The following KLHL32 variants were observed in gnomAD, a reference collection of about 807,000 sequenced individuals.
KLHL32 encodes the protein kelch-like protein 32.
KLHL32 carries 35 observed loss-of-function variants against 64.8 expected under a neutral mutation model. The ratio of observed to expected loss-of-function variants is 0.54; its 90% CI spans 0.41 to 0.72. The LOEUF is 0.72. Among genes scored for constraint, KLHL32 ranks in the 30% least tolerant of loss-of-function variants. KLHL32 has a pLI of 0.00. For missense variants in KLHL32, 589 were observed against 768.5 expected, an observed-to-expected ratio of 0.77 and a Z score of 2.76; for synonymous variants, 259 against 281.0, an observed-to-expected ratio of 0.92 and a Z score of 0.78.
chr6:97,066,948 T>C (rs1789853716), intron 5 of KLHL32, among the ~76,000 whole-genome samples: 1 of 152,230 alleles, frequency 6.6e-6, no homozygotes, highest in African/African-American at 2.4e-5. Flanking sequence ...CTTCAATCAA[T>C]GCTGATATAT....
At chr6:97,136,500 G>C (rs1200651356) in intron 10 of KLHL32, among the ~76,000 whole-genome samples, 1 of 152,192 alleles carries the variant, frequency 6.6e-6, no homozygotes, top group Non-Finnish European at 1.5e-5. Context: ...GAAAGTGAAG[G>C]TGTTCTTGTT....
intron 1 of KLHL32, among the ~76,000 whole-genome samples, chr6:96,927,817 A>C (rs1175216805): frequency 2.0e-5 from 3 of 152,214 alleles, no homozygotes; most frequent in African/African-American, 7.2e-5. Flanking sequence ...GAGTGCATGG[A>C]GATACCGTCT....
chr6:96,921,724 G>T (rs945908655), upstream of KLHL32, among the ~76,000 whole-genome samples: 1 of 152,168 alleles, frequency 6.6e-6, no homozygotes, highest in African/African-American at 2.4e-5. Context: ...TCTCTTTCAT[G>T]ATGTAGTTTT....
At chr6:97,074,151 G>A (rs1396203228) in intron 5 of KLHL32, among the ~76,000 whole-genome samples, 1 of 152,216 alleles carries the variant, frequency 6.6e-6, no homozygotes, top group Non-Finnish European at 1.5e-5. Context: ...GCATACTCCA[G>A]AGTAATGATT....
chr6:96,965,114 G>T (rs1254393955), intron 1 of KLHL32, among the ~76,000 whole-genome samples: 1 of 152,146 alleles, frequency 6.6e-6, no homozygotes, highest in Non-Finnish European at 1.5e-5. Flanking sequence ...TTCTGTTCCT[G>T]CATTAATTCG....
intron 1 of KLHL32, among the ~76,000 whole-genome samples, chr6:96,959,077 G>A (rs1448284072): frequency 4.6e-5 from 7 of 152,180 alleles, no homozygotes; most frequent in Non-Finnish European, 7.3e-5. Flanking sequence ...TCCTCCAAGA[G>A]TGGTGGGGTT....
At chr6:97,126,697 C>T (rs1052243582) in intron 7 of KLHL32, among the ~76,000 whole-genome samples, 1 of 152,026 alleles carries the variant, frequency 6.6e-6, no homozygotes, top group Admixed American at 6.6e-5. Flanking sequence ...GTCAAATATA[C>T]ACTGGCTTTT....
chr6:96,935,786 A>G (rs1770522681), intron 1 of KLHL32, among the ~76,000 whole-genome samples: 1 of 152,238 alleles, frequency 6.6e-6, no homozygotes, highest in Non-Finnish European at 1.5e-5. Context: ...GAATTAAAAG[A>G]AAGGAAAATC....
At chr6:97,112,327 G>A (rs1026196284) in intron 6 of KLHL32, among the ~76,000 whole-genome samples, 1 of 152,192 alleles carries the variant, frequency 6.6e-6, no homozygotes, top group Non-Finnish European at 1.5e-5. Context: ...TATGTTGACT[G>A]AGATGTTAGA....
At chr6:97,132,616 G>T in intron 9 of KLHL32, 37 bp from the exon 10 acceptor site, 1 of 1,471,458 alleles carries the variant, frequency 6.8e-7, no homozygotes, top group East Asian at 2.3e-5. Flanking sequence ...GTAAGAAATG[G>T]ATTTTTTTTC....
chr6:96,946,160 TGA>T (rs1248593579), intron 1 of KLHL32, among the ~76,000 whole-genome samples: 1 of 150,950 alleles, frequency 6.6e-6, no homozygotes, highest in Admixed American at 6.6e-5. Flanking sequence ...ATTCAAAATA[TGA>T]GTTTATTTAG....
chr6:96,967,143 A>G, intron 2 of KLHL32, 60 bp downstream of exon 2: 1 of 1,478,816 alleles, frequency 6.8e-7, no homozygotes, highest in African/African-American at 1.4e-5. Context: ...AGTGCATTGC[A>G]CGTTCTAGGA....
chr6:96,970,044 A>G (rs900510993), intron 2 of KLHL32, among the ~76,000 whole-genome samples: 1 of 152,192 alleles, frequency 6.6e-6, no homozygotes, highest in African/African-American at 2.4e-5. Context: ...ACTCACCTCC[A>G]TATGTAATCT....
chr6:97,012,705 A>G (rs561687260), intron 3 of KLHL32, among the ~76,000 whole-genome samples: 2 of 152,336 alleles, frequency 1.3e-5, no homozygotes, highest in South Asian at 4.1e-4. Context: ...TCCTGGTCTC[A>G]TAGTGCCACC....
chr6:97,083,384 C>T (rs1240987230), intron 5 of KLHL32, among the ~76,000 whole-genome samples: 2 of 80,808 alleles, frequency 2.5e-5, no homozygotes, highest in African/African-American at 9.5e-5. Flanking sequence ...AGCAAGACTC[C>T]GTCTCAAAAA....
intron 3 of KLHL32, among the ~76,000 whole-genome samples, chr6:97,004,941 T>A (rs897828404): frequency 1.3e-5 from 2 of 150,334 alleles, no homozygotes. Flanking sequence ...TTTTCTTTCT[T>A]TTTTTTTTGT....
chr6:96,999,916 AC>A (rs758612556), intron 3 of KLHL32, among the ~76,000 whole-genome samples: 3 of 152,208 alleles, frequency 2.0e-5, no homozygotes, highest in Non-Finnish European at 4.4e-5. Context: ...AAACATCACC[AC>A]TACAGCTTCT....
At chr6:96,908,564 G>C in the KLHL32 span, among the ~76,000 whole-genome samples, 2 of 152,114 alleles carry the variant, frequency 1.3e-5, no homozygotes, top group African/African-American at 4.8e-5. Context: ...TTATCAAAAA[G>C]CAAGACGAAA....
chr6:97,014,670 A>T (rs1055829620), intron 3 of KLHL32, among the ~76,000 whole-genome samples: 2 of 152,194 alleles, frequency 1.3e-5, no homozygotes, highest in Non-Finnish European at 2.9e-5. Context: ...TGAGGCAGGT[A>T]TCTTCATTTT....
Sources: allele counts gnomAD v4.1 joint callset (sites outside exome capture counted in the v4.1 genomes callset), GRCh38; gene constraint gnomAD v4.1.1; transcripts MANE v1.5; gene names NCBI Gene and HGNC (gene_info 2026-07-23, HGNC 2026-07-21).